The following JAK2 variants were observed in gnomAD, a reference collection of about 807,000 sequenced individuals.
The protein encoded by JAK2 is tyrosine-protein kinase JAK2.
In JAK2, 86 loss-of-function variants were observed where a neutral mutation model predicts 139.3. The ratio of observed to expected loss-of-function variants is 0.62; its 90% CI spans 0.52 to 0.74. JAK2 has a LOEUF of 0.74. Ranked by LOEUF, JAK2 falls within the 30% of genes least tolerant of loss-of-function variation. The pLI, the probability that JAK2 is intolerant of heterozygous loss-of-function variation, is 0.00. For synonymous variants in JAK2, 490 were observed against 437.7 expected, an observed-to-expected ratio of 1.12 and a Z score of -1.49; for missense variants, 1,421 against 1,360.3, an observed-to-expected ratio of 1.04 and a Z score of -0.70.
chr9:5,034,099 G>C (rs141587583), intron 4 of JAK2, among the ~76,000 whole-genome samples: 2 of 151,922 alleles, frequency 1.3e-5, no homozygotes, highest in East Asian at 3.9e-4. Flanking sequence ...TCCTAGTCTC[G>C]GATAAAACAG....
intron 8 of JAK2, among the ~76,000 whole-genome samples, chr9:5,063,897 C>T (rs749955519): frequency 2.0e-5 from 3 of 152,212 alleles, no homozygotes; most frequent in Non-Finnish European, 2.9e-5. Context: ...GTGACTCACG[C>T]GTGTAATCCC....
At chr9:5,044,230 T>C (rs1001822532) in intron 4 of JAK2, among the ~76,000 whole-genome samples, 173 bp from the exon 5 acceptor site, 1 of 152,258 alleles carries the variant, frequency 6.6e-6, no homozygotes, top group Admixed American at 6.5e-5. Context: ...ACTTTCTGCC[T>C]ATATTAGTGT....
intron 2 of JAK2, among the ~76,000 whole-genome samples, chr9:5,005,107 T>C (rs1441925597): frequency 9.0e-6 from 1 of 110,626 alleles, no homozygotes; most frequent in African/African-American, 3.4e-5. Context: ...TTTTTTTTTT[T>C]TTTTTTTTTT....
At chr9:4,986,730 C>T (rs940353393) in intron 2 of JAK2, among the ~76,000 whole-genome samples, 9 of 151,994 alleles carry the variant, frequency 5.9e-5, no homozygotes, top group African/African-American at 1.9e-4. Context: ...CAAAATCAGA[C>T]ATCTTGAGGA....
At chr9:5,068,069 A>T (rs1818688991) in intron 10 of JAK2, among the ~76,000 whole-genome samples, 1 of 151,946 alleles carries the variant, frequency 6.6e-6, no homozygotes, top group Non-Finnish European at 1.5e-5. Flanking sequence ...CTGAGGTAGG[A>T]GAAGCGCTTG....
In JAK2 at chr9:5,055,551, G is replaced by C. The variant is rs548102346; in HGVS notation, c.937-118G>C. On this transcript the variant is annotated intron_variant, in intron 7 of 24. Coordinates refer to ENST00000381652, the MANE Select transcript of JAK2 (RefSeq NM_004972.4). ...AAATCACGTTTAATGCTTATCTATT[G>C]TTATCAATACCTTTTTTATTTTAAA... 57 of 749,900 alleles carry C rather than the reference G, an allele frequency of 7.6e-5. No individual in the cohort carries two copies. The African/African-American group carries it at 9.7e-4, about 13-fold the overall frequency. The allele number at this position is 749,900 out of a possible 1,614,324, so 46.5% of individuals were successfully genotyped here. A position where few individuals can be genotyped will look rare whatever the true frequency, so the allele number is the denominator to read the frequency against.
chr9:5,127,122 A>G lies in JAK2; in HGVS notation c.*331A>G. ...GAGACCTGAAAAAATTATTATGTAA[A>G]TTTTGCAATGTTAAAGATGCACAGA... On this transcript the variant is annotated 3_prime_UTR_variant, in exon 25 of 25. Coordinates refer to ENST00000381652, the MANE Select transcript of JAK2 (RefSeq NM_004972.4). 1 of 267,356 alleles carries G rather than the reference A, an allele frequency of 3.7e-6. No homozygotes were observed. The highest frequency in any genetic ancestry group is 7.2e-6 in the Non-Finnish European group (1 of 139,748). 16.6% of individuals were successfully genotyped at this position (267,356 alleles called of 1,614,324 possible).
chr9:5,125,205 T>C (rs1366645628), intron 23 of JAK2, among the ~76,000 whole-genome samples: 1 of 151,174 alleles, frequency 6.6e-6, no homozygotes. Flanking sequence ...TATAAAAGTA[T>C]ATACAAAGAA....
intron 22 of JAK2, chr9:5,110,893 G>A (rs1009951174): frequency 4.8e-5 from 26 of 538,690 alleles, no homozygotes; most frequent in Non-Finnish European, 8.5e-5. Flanking sequence ...TGTCTGAGAT[G>A]CCCGCTCTGG....
intron 4 of JAK2, chr9:5,041,420 A>G (rs755235716): frequency 2.6e-4 from 165 of 626,808 alleles, no homozygotes; most frequent in Non-Finnish European, 4.4e-4. Flanking sequence ...GCTGGGCCAC[A>G]TGTTCATGTA....
rs1297127139 is a variant in JAK2, at chr9:5,123,001, C to T, written c.3060-3C>T. 4 of 1,584,904 alleles carry T rather than the reference C, an allele frequency of 2.5e-6. No homozygotes were observed. In the Admixed American group the frequency reaches 6.9e-5, roughly 27 times the overall value. On this transcript the variant is annotated splice_polypyrimidine_tract_variant and splice_region_variant and intron_variant, in intron 22 of 24. Coordinates refer to ENST00000381652, the MANE Select transcript of JAK2 (RefSeq NM_004972.4). ...CTTTTAAATGTTATTCATATATTTA[C>T]AGGTATGCTCCAGAATCACTGACAG...
intron 8 of JAK2, among the ~76,000 whole-genome samples, chr9:5,055,999 A>G (rs980014735): frequency 2.0e-5 from 3 of 152,026 alleles, no homozygotes; most frequent in African/African-American, 7.2e-5. Flanking sequence ...CTTGTACATT[A>G]CTGTACTTTT....
chr9:5,082,546 C>T (rs1415714205), intron 19 of JAK2, among the ~76,000 whole-genome samples: 1 of 152,206 alleles, frequency 6.6e-6, no homozygotes, highest in Non-Finnish European at 1.5e-5. Flanking sequence ...GAGACAGTGG[C>T]CTTCCTCTTT....
rs1454200001 is a variant in JAK2 at position 5,127,675 on chromosome 9, A to G, written c.*884A>G. ...TCATCCTTTGAGCTGCTGACTGCCA[A>G]TAACATTCTTCGATCTCTGGGATTT... On this transcript the variant is annotated 3_prime_UTR_variant, in exon 25 of 25. Transcript: ENST00000381652. 6 of 232,212 alleles carry G rather than the reference A, an allele frequency of 2.6e-5. No individual in the cohort carries two copies. The highest frequency in any genetic ancestry group is 8.8e-5 in the African/African-American group (4 of 45,262). 14.4% of individuals were successfully genotyped at this position (232,212 alleles called of 1,614,324 possible). A position where few individuals can be genotyped will look rare whatever the true frequency, so the allele number is the denominator to read the frequency against.
At chr9:5,026,697 TTG>T (rs1822806199) in intron 3 of JAK2, among the ~76,000 whole-genome samples, 1 of 152,290 alleles carries the variant, frequency 6.6e-6, no homozygotes, top group South Asian at 2.1e-4. Flanking sequence ...CACGTGATTG[TTG>T]TGTTTGTGCT....
chr9:5,123,701 T>C (rs191711065), intron 23 of JAK2, among the ~76,000 whole-genome samples: 147 of 152,028 alleles, frequency 9.7e-4, no homozygotes, highest in African/African-American at 3.5e-3. Flanking sequence ...GGTAGTTCTA[T>C]ATTTAGGTCT....
At chr9:5,034,239 A>G (rs1823391609) in intron 4 of JAK2, among the ~76,000 whole-genome samples, 1 of 152,198 alleles carries the variant, frequency 6.6e-6, no homozygotes, top group Non-Finnish European at 1.5e-5. Flanking sequence ...AGATTCATAA[A>G]GCAAGTCCTT....
At chr9:5,076,297 A>G (rs1011988297) in intron 14 of JAK2, among the ~76,000 whole-genome samples, 5 of 152,180 alleles carry the variant, frequency 3.3e-5, no homozygotes, top group Non-Finnish European at 5.9e-5. Context: ...AAGGCTATCA[A>G]ACAGCATTGC....
At chr9:5,111,290 G>A (rs1204579899) in intron 22 of JAK2, 5 of 476,754 alleles carry the variant, frequency 1.0e-5, no homozygotes, top group African/African-American at 3.9e-5. Flanking sequence ...GCTTCCTGCC[G>A]GGCAAGCTGG....
Sources: allele counts gnomAD v4.1 joint callset (sites outside exome capture counted in the v4.1 genomes callset), GRCh38; gene constraint gnomAD v4.1.1; transcripts MANE v1.5; gene names NCBI Gene and HGNC (gene_info 2026-07-23, HGNC 2026-07-21).